Variants in SDCCAG8 observed in about 807,000 individuals in gnomAD.
SDCCAG8 encodes the protein serologically defined colon cancer antigen 8.
SDCCAG8 carries 74 observed loss-of-function variants against 101.8 expected under a neutral mutation model. The observed-to-expected ratio is 0.73, with a 90% CI of 0.60 to 0.88. The LOEUF (loss-of-function observed/expected upper bound fraction) is 0.88, where lower values mean the gene tolerates loss of function less well. SDCCAG8 is among the 40% of genes least tolerant of loss of function. SDCCAG8 has a pLI of 0.00. For missense variants in SDCCAG8, 787 were observed against 822.6 expected, an observed-to-expected ratio of 0.96 and a Z score of 0.53; for synonymous variants, 281 against 292.9, an observed-to-expected ratio of 0.96 and a Z score of 0.41.
At chr1:243,464,526 A>C (rs763751835) in intron 16 of SDCCAG8, among the ~76,000 whole-genome samples, 115 of 152,366 alleles carry the variant, frequency 7.5e-4, no homozygotes, top group Non-Finnish European at 8.2e-4. Flanking sequence ...TGCTAAAAAA[A>C]ATCAAATTAA....
intron 12 of SDCCAG8, among the ~76,000 whole-genome samples, 177 bp downstream of exon 12, chr1:243,344,508 A>C (rs2075583743): frequency 6.6e-6 from 1 of 152,218 alleles, no homozygotes; most frequent in Admixed American, 6.5e-5. Context: ...CACCTTTCAC[A>C]TGAATGGTGA....
chr1:243,302,959 C>A (rs1285048409), intron 6 of SDCCAG8, among the ~76,000 whole-genome samples: 2 of 152,170 alleles, frequency 1.3e-5, no homozygotes, highest in Non-Finnish European at 2.9e-5. Context: ...TGAATTCCTG[C>A]TGGAGAAAAC....
At chr1:243,294,501 A>AAGAGTGAGAGAGAGAGAGAG (rs2070627731) in intron 6 of SDCCAG8, among the ~76,000 whole-genome samples, 1 of 26,684 alleles carries the variant, frequency 3.7e-5, no homozygotes, top group African/African-American at 1.2e-4. Flanking sequence ...GAGAGAGAGA[A>AAGAGTGAGAGAGAGAGAGAG]AGAGCGAGAG....
intron 4 of SDCCAG8, among the ~76,000 whole-genome samples, chr1:243,275,625 T>TTAA (rs1233928080): frequency 6.6e-6 from 1 of 152,100 alleles, no homozygotes; most frequent in African/African-American, 2.4e-5. Context: ...CAATACTCTA[T>TTAA]TAATCCCTAA....
intron 5 of SDCCAG8, among the ~76,000 whole-genome samples, chr1:243,290,217 C>T (rs1245126697): frequency 7.1e-6 from 1 of 141,582 alleles, no homozygotes; most frequent in Non-Finnish European, 1.6e-5. Flanking sequence ...CCCCCGATCC[C>T]CTGCCACCCA....
At chr1:243,450,980 A>AC (rs1008581286) in intron 16 of SDCCAG8, among the ~76,000 whole-genome samples, 4 of 152,242 alleles carry the variant, frequency 2.6e-5, no homozygotes, top group Admixed American at 2.6e-4. Flanking sequence ...TGCTGCTAAA[A>AC]TCACTTGTTG....
chr1:243,271,986 G>T (rs1171648301), intron 3 of SDCCAG8, among the ~76,000 whole-genome samples: 5 of 152,160 alleles, frequency 3.3e-5, no homozygotes. Flanking sequence ...TCTGATTAAA[G>T]CATTTTATAT....
intron 14 of SDCCAG8, among the ~76,000 whole-genome samples, chr1:243,417,023 TC>T (rs974687478): frequency 6.6e-6 from 1 of 152,218 alleles, no homozygotes; most frequent in African/African-American, 2.4e-5. Context: ...TTATTTCTTA[TC>T]CTATGGGTGA....
chr1:243,456,219 C>A (rs2083741791), intron 16 of SDCCAG8, among the ~76,000 whole-genome samples: 1 of 152,180 alleles, frequency 6.6e-6, no homozygotes, highest in Non-Finnish European at 1.5e-5. Context: ...GAAAGCCTGA[C>A]ATAATTAGGT....
At position 243,475,788 on chromosome 1, in the gene SDCCAG8, C is replaced by A. The variant is rs1662286060; in HGVS notation, c.1986-13226C>A. 5 of 202,292 alleles carry A rather than the reference C, an allele frequency of 2.5e-5. No homozygotes were observed. The Admixed American group carries it at 3.3e-4, about 13-fold the overall frequency. The allele number at this position is 202,292 out of a possible 1,614,324, so 12.5% of individuals were successfully genotyped here. A position where few individuals can be genotyped will look rare whatever the true frequency, so the allele number is the denominator to read the frequency against. On this transcript the variant is annotated intron_variant, in intron 16 of 17. Transcript: ENST00000366541. ...AGGTGCTTTTTGGGCTAAAATGGGG[C>A]ATTCTGTGAACGTGTGCTACTTTTG...
chr1:243,278,164 A>G (rs1332132325), intron 4 of SDCCAG8, among the ~76,000 whole-genome samples: 1 of 152,120 alleles, frequency 6.6e-6, no homozygotes, highest in African/African-American at 2.4e-5. Context: ...TGATTTCTTT[A>G]ATCAGTGTTG....
chr1:243,415,005 A>G (rs755464412), intron 13 of SDCCAG8, among the ~76,000 whole-genome samples: 5 of 152,134 alleles, frequency 3.3e-5, no homozygotes, highest in Non-Finnish European at 4.4e-5. Flanking sequence ...TTATTGACCC[A>G]GTGGGATAGG....
intron 12 of SDCCAG8, 77 bp downstream of exon 12, chr1:243,344,408 C>T: frequency 9.4e-7 from 1 of 1,065,368 alleles, no homozygotes; most frequent in Non-Finnish European, 1.5e-6. Context: ...TTGTTTTATT[C>T]CTAATTTATT....
chr1:243,480,643 T>G (rs1663452133), intron 16 of SDCCAG8, among the ~76,000 whole-genome samples: 1 of 17,214 alleles, frequency 5.8e-5, no homozygotes, highest in Non-Finnish European at 1.0e-4. Flanking sequence ...ATGGGTGTGA[T>G]GGATGGATGG....
At chr1:243,343,437 A>G (rs2075502745) in intron 11 of SDCCAG8, among the ~76,000 whole-genome samples, 1 of 152,214 alleles carries the variant, frequency 6.6e-6, no homozygotes, top group South Asian at 2.1e-4. Context: ...GCAGTCCTAG[A>G]TTCGAAAAAA....
At chr1:243,469,022 T>A (rs1660704293) in intron 16 of SDCCAG8, among the ~76,000 whole-genome samples, 2 of 152,230 alleles carry the variant, frequency 1.3e-5, no homozygotes, top group South Asian at 4.1e-4. Flanking sequence ...AGACATAGTA[T>A]GATTTTATAG....
At chr1:243,423,336 G>C (rs886646149) in intron 15 of SDCCAG8, among the ~76,000 whole-genome samples, 1 of 152,032 alleles carries the variant, frequency 6.6e-6, no homozygotes, top group Non-Finnish European at 1.5e-5. Flanking sequence ...TCTTACCTCT[G>C]ATATATTTCC....
intron 16 of SDCCAG8, chr1:243,475,998 C>T: frequency 1.5e-5 from 15 of 985,498 alleles, no homozygotes; most frequent in Non-Finnish European, 1.8e-5. Flanking sequence ...ATGAGCCCTC[C>T]AGCAGGCCTA....
chr1:243,499,327 G>A (rs545878395), intron 17 of SDCCAG8, among the ~76,000 whole-genome samples: 18 of 152,242 alleles, frequency 1.2e-4, no homozygotes, highest in African/African-American at 3.9e-4. Flanking sequence ...ATTGTTTCAC[G>A]AGGAATTTCT....
Sources: gnomAD v4.1 joint callset for allele counts (sites outside exome capture counted in the v4.1 genomes callset) on GRCh38, gnomAD v4.1.1 for gene constraint, MANE v1.5 for transcripts, NCBI Gene and HGNC (gene_info 2026-07-23, HGNC 2026-07-21) for gene names.